Variants in COMMD10 observed in about 807,000 individuals in gnomAD.
COMMD10 encodes COMM domain-containing protein 10.
COMMD10 carries 33 observed loss-of-function variants against 28.9 expected under a neutral mutation model. The observed-to-expected ratio is 1.14, with a 90% CI of 0.87 to 1.53. COMMD10 has a LOEUF of 1.53. Among genes scored for constraint, COMMD10 ranks in the 40% most tolerant of loss-of-function variants. COMMD10 has a pLI of 0.00. For synonymous variants in COMMD10, 110 were observed against 81.7 expected, an observed-to-expected ratio of 1.35 and a Z score of -1.87; for missense variants, 310 against 233.4, an observed-to-expected ratio of 1.33 and a Z score of -2.14.
intron 5 of COMMD10, among the ~76,000 whole-genome samples, chr5:116,196,066 C>G (rs553325724): frequency 6.6e-6 from 1 of 152,274 alleles, no homozygotes; most frequent in African/African-American, 2.4e-5. Flanking sequence ...CCATTTGATC[C>G]AGCAATCCCA....
chr5:116,254,004 C>G (rs1448530444), intron 5 of COMMD10, among the ~76,000 whole-genome samples: 1 of 152,146 alleles, frequency 6.6e-6, no homozygotes, highest in Admixed American at 6.6e-5. Flanking sequence ...AGAGATTGAA[C>G]TTCTTCCTGG....
At chr5:116,191,436 C>G (rs1748368535) in intron 5 of COMMD10, among the ~76,000 whole-genome samples, 4 of 151,844 alleles carry the variant, frequency 2.6e-5, no homozygotes, top group South Asian at 2.1e-4. Flanking sequence ...TGGAAACAGA[C>G]TTGGGGCTCT....
intron 5 of COMMD10, among the ~76,000 whole-genome samples, chr5:116,230,265 A>G (rs577550100): frequency 3.7e-4 from 56 of 152,088 alleles, no homozygotes; most frequent in Non-Finnish European, 5.9e-4. Context: ...TTAAGTGGTA[A>G]TGGTGTAGTA....
chr5:116,119,151 TC>T (rs1283765234), intron 4 of COMMD10, among the ~76,000 whole-genome samples: 1 of 152,132 alleles, frequency 6.6e-6, no homozygotes, highest in Non-Finnish European at 1.5e-5. Context: ...TTCCCTCACT[TC>T]CCTCCAACTT....
chr5:116,172,905 A>G (rs773193304), intron 5 of COMMD10, among the ~76,000 whole-genome samples: 10 of 152,158 alleles, frequency 6.6e-5, no homozygotes, highest in African/African-American at 4.8e-5. Context: ...AATTGACAAT[A>G]TGAGAGGATG....
chr5:116,110,088 T>C (rs1229026687), intron 4 of COMMD10, among the ~76,000 whole-genome samples: 1 of 152,250 alleles, frequency 6.6e-6, no homozygotes, highest in South Asian at 2.1e-4. Context: ...GAAGGGGTAC[T>C]GCATTTTATC....
At chr5:116,118,382 A>T (rs1282656033) in intron 4 of COMMD10, among the ~76,000 whole-genome samples, 1 of 152,008 alleles carries the variant, frequency 6.6e-6, no homozygotes, top group Non-Finnish European at 1.5e-5. Context: ...TATTTTCACT[A>T]CTTTTGGTCT....
chr5:116,288,608 C>G (rs1751283027), intron 5 of COMMD10, among the ~76,000 whole-genome samples: 1 of 151,682 alleles, frequency 6.6e-6, no homozygotes, highest in South Asian at 2.1e-4. Flanking sequence ...TGTCCTAAAT[C>G]CCTTATCATC....
chr5:116,141,372 T>G (rs1752190422), intron 5 of COMMD10, among the ~76,000 whole-genome samples: 2 of 151,876 alleles, frequency 1.3e-5, no homozygotes, highest in South Asian at 4.1e-4. Context: ...ACATCTAACT[T>G]TGTTTTACTT....
chr5:116,117,905 T>G (rs375987028), intron 4 of COMMD10, among the ~76,000 whole-genome samples: 1 of 152,208 alleles, frequency 6.6e-6, no homozygotes, highest in African/African-American at 2.4e-5. Context: ...ACTCCAAAAG[T>G]GATTTTTTAA....
chr5:116,115,978 G>C (rs1463926658), intron 4 of COMMD10, among the ~76,000 whole-genome samples: 2 of 152,068 alleles, frequency 1.3e-5, no homozygotes, highest in Admixed American at 1.3e-4. Context: ...GTTCTGTCTA[G>C]TTTGAATGTT....
chr5:116,275,691 G>C (rs1750890896), intron 5 of COMMD10, among the ~76,000 whole-genome samples: 1 of 151,628 alleles, frequency 6.6e-6, no homozygotes, highest in Non-Finnish European at 1.5e-5. Flanking sequence ...GAACATATCT[G>C]ATGGCTTAAT....
intron 5 of COMMD10, among the ~76,000 whole-genome samples, chr5:116,169,145 A>G (rs959399782): frequency 2.6e-5 from 4 of 152,188 alleles, no homozygotes; most frequent in African/African-American, 9.7e-5. Flanking sequence ...AATAGACACA[A>G]TAAAAAATGA....
At chr5:116,191,253 G>T (rs1282496379) in intron 5 of COMMD10, among the ~76,000 whole-genome samples, 2 of 152,118 alleles carry the variant, frequency 1.3e-5, no homozygotes, top group Non-Finnish European at 2.9e-5. Flanking sequence ...TAAATCTCTA[G>T]CTGAACTTTG....
intron 5 of COMMD10, among the ~76,000 whole-genome samples, chr5:116,282,120 G>A (rs1041738215): frequency 4.6e-5 from 7 of 151,838 alleles, no homozygotes; most frequent in Non-Finnish European, 8.8e-5. Flanking sequence ...CAGATCTGCA[G>A]CTCTTAAGAA....
chr5:116,195,121 A>G (rs757677113), intron 5 of COMMD10, among the ~76,000 whole-genome samples: 9 of 152,158 alleles, frequency 5.9e-5, no homozygotes, highest in Non-Finnish European at 1.2e-4. Flanking sequence ...AGCATTCTTT[A>G]TGATTAAAAC....
At chr5:116,164,721 G>C (rs1366648214) in intron 5 of COMMD10, among the ~76,000 whole-genome samples, 2 of 152,202 alleles carry the variant, frequency 1.3e-5, no homozygotes, top group African/African-American at 4.8e-5. Flanking sequence ...AGTAAAAAGA[G>C]TGTGGATCTG....
intron 5 of COMMD10, among the ~76,000 whole-genome samples, chr5:116,154,919 G>A (rs1182532862): frequency 6.6e-6 from 1 of 152,036 alleles, no homozygotes; most frequent in East Asian, 1.9e-4. Flanking sequence ...CTTTGGGAAA[G>A]TACCACATTG....
chr5:116,113,343 T>C (rs1475124139), intron 4 of COMMD10, among the ~76,000 whole-genome samples: 1 of 132,430 alleles, frequency 7.6e-6, no homozygotes, highest in Non-Finnish European at 1.6e-5. Flanking sequence ...GTATCTATTA[T>C]GTCTGTATCT....
Sources: gnomAD v4.1 joint callset for allele counts (sites outside exome capture counted in the v4.1 genomes callset) on GRCh38, gnomAD v4.1.1 for gene constraint, MANE v1.5 for transcripts, NCBI Gene and HGNC (gene_info 2026-07-23, HGNC 2026-07-21) for gene names.